Variants in TTC17 observed in about 807,000 individuals in gnomAD.
The protein encoded by TTC17 is tetratricopeptide repeat domain 17.
In TTC17, 58 loss-of-function variants were observed where a neutral mutation model predicts 143.8. That is an observed-to-expected ratio of 0.40 (90% CI 0.33 to 0.50). TTC17 has a LOEUF of 0.50. Among genes scored for constraint, TTC17 ranks in the 20% least tolerant of loss-of-function variants. The probability of loss-of-function intolerance (pLI) is 0.49; values close to 1 mark genes in which losing one functional copy is unlikely to be tolerated. For missense variants in TTC17, 1,273 were observed against 1,392.5 expected, an observed-to-expected ratio of 0.91 and a Z score of 1.37; for synonymous variants, 501 against 497.8, an observed-to-expected ratio of 1.01 and a Z score of -0.09.
At chr11:43,400,833 A>G (rs942255116) in intron 9 of TTC17, among the ~76,000 whole-genome samples, 5 of 152,188 alleles carry the variant, frequency 3.3e-5, no homozygotes, top group Non-Finnish European at 5.9e-5. Context: ...TTTGTTTCTA[A>G]TGACAAGGGA....
chr11:43,443,542 C>G lies in TTC17; in HGVS notation c.2469C>G (p.Cys823Trp). ...GPQDGVARSS[C>W]YGDCRSEDDE... ...AGGATGGAGTGGCCAGAAGCTCTTG[C>G]TATGGAGACTGCAGAAGTGAAGATG... is the stretch of plus-strand genomic sequence containing the variant. Residue 823 changes from cysteine (C) to tryptophan (W), a missense_variant, in exon 17 of 24, where the codon TGC becomes TGG. Cys to Trp is a radical substitution (Grantham distance 215). This residue lies in a region of TTC17 where 878 missense variants were observed against 899.8 expected (regional missense o/e 0.98). Transcript: ENST00000039989. 1 of 1,613,880 alleles carries G rather than the reference C, an allele frequency of 6.2e-7. No individual in the cohort carries two copies.
chr11:43,438,854 T>C (rs1590421500), intron 16 of TTC17, among the ~76,000 whole-genome samples: 1 of 152,230 alleles, frequency 6.6e-6, no homozygotes, highest in African/African-American at 2.4e-5. Flanking sequence ...GATATTCCAC[T>C]CCCTCTCAAT....
chr11:43,460,451 G>A (rs558940552), intron 21 of TTC17, among the ~76,000 whole-genome samples: 4 of 152,176 alleles, frequency 2.6e-5, no homozygotes, highest in East Asian at 1.9e-4. Context: ...TCCAGCCTCC[G>A]TTAGTAGTCT....
chr11:43,359,309 G>T lies in TTC17; in HGVS notation c.159+196G>T, dbSNP rs186616213. On this transcript the variant is annotated intron_variant, in intron 1 of 23. Transcript: ENST00000039989. ...GCTCCCCACTTGTCTCCTGGTCCTC[G>T]TTTGGCCCCCTAGAAGTTCTCACCC... 1,325 of 679,208 alleles carry T rather than the reference G, an allele frequency of 2.0e-3. 5 individuals are homozygous for T. The highest frequency in any genetic ancestry group is 2.7e-3 in the Non-Finnish European group (1,204 of 440,262). 42.1% of individuals were successfully genotyped at this position (679,208 alleles called of 1,614,324 possible). A position where few individuals can be genotyped will look rare whatever the true frequency, so the allele number is the denominator to read the frequency against.
intron 21 of TTC17, among the ~76,000 whole-genome samples, chr11:43,470,509 G>A (rs550185225): frequency 2.9e-4 from 44 of 152,258 alleles, no homozygotes; most frequent in Non-Finnish European, 5.4e-4. Flanking sequence ...TTTTCATCAG[G>A]TATTTGTAGT....
At position 43,375,770 on chromosome 11, in the gene TTC17, T is replaced by C. The variant is rs1856743293; in HGVS notation, c.160-3463T>C. On this transcript the variant is annotated intron_variant, in intron 1 of 23. Transcript: ENST00000039989. ...AAAGAATAATTAAAAAGTGATTGACTCAAACTTGTTTTTGTAGGACATCAA... is the reference window on the plus strand; with the variant it reads ...AAAGAATAATTAAAAAGTGATTGACCCAAACTTGTTTTTGTAGGACATCAA... Among the ~76,000 whole-genome samples the C allele has an allele frequency of 2.0e-5, 3 of 152,212 alleles. No individual in the cohort carries two copies. In the South Asian group the frequency reaches 6.2e-4, roughly 31 times the overall value.
intron 16 of TTC17, among the ~76,000 whole-genome samples, chr11:43,422,320 A>C (rs2134650302): frequency 6.6e-6 from 1 of 152,244 alleles, no homozygotes; most frequent in Non-Finnish European, 1.5e-5. Flanking sequence ...TGGACATGTT[A>C]AATTTGAGTT....
intron 21 of TTC17, chr11:43,466,396 T>TGC (rs1181387376): frequency 1.3e-5 from 2 of 156,826 alleles, no homozygotes; most frequent in Non-Finnish European, 2.8e-5. Flanking sequence ...TAGGCCATGG[T>TGC]CATCCCGACT....
At chr11:43,359,349 C>T in intron 1 of TTC17, 2 of 480,362 alleles carry the variant, frequency 4.2e-6, no homozygotes, top group Non-Finnish European at 7.0e-6. Context: ...ACCTCGCGGG[C>T]CGCGCGCCGC....
At chr11:43,396,414 G>A (rs1007226441) in intron 5 of TTC17, 1 of 194,202 alleles carries the variant, frequency 5.1e-6, no homozygotes, top group African/African-American at 2.3e-5. Flanking sequence ...AGCTCAACAA[G>A]TTGTGATCAG....
At chr11:43,469,095 T>C (rs1948039282) in intron 21 of TTC17, among the ~76,000 whole-genome samples, 1 of 152,160 alleles carries the variant, frequency 6.6e-6, no homozygotes, top group Non-Finnish European at 1.5e-5. Flanking sequence ...ACACAATATA[T>C]GTGTAGTAAT....
intron 20 of TTC17, 89 bp from the exon 21 acceptor site, chr11:43,451,093 G>A: frequency 1.6e-6 from 2 of 1,289,922 alleles, no homozygotes; most frequent in Non-Finnish European, 1.1e-6. Context: ...GTTTGCCTCT[G>A]TGGTACAGTG....
chr11:43,475,287 G>A (rs1948165139), intron 21 of TTC17, among the ~76,000 whole-genome samples: 1 of 152,098 alleles, frequency 6.6e-6, no homozygotes, highest in Admixed American at 6.6e-5. Context: ...AGGGTATCTG[G>A]TGGAAGAAAT....
At chr11:43,393,155 A>G (rs949553579) in intron 5 of TTC17, among the ~76,000 whole-genome samples, 13 of 152,188 alleles carry the variant, frequency 8.5e-5, no homozygotes, top group Admixed American at 3.9e-4. Flanking sequence ...CTACAACTCA[A>G]TACAATTCTG....
rs752312149 is a variant in TTC17 at position 43,407,231 on chromosome 11, T to C, written c.1839+16T>C. On this transcript the variant is annotated intron_variant, in intron 14 of 23. Transcript: ENST00000039989. ...TATTAATAAGGTGAGTCATTTACTT[T>C]AGACATCTAAAACTTAAATGCTTCT... The C allele has an allele frequency of 2.0e-5, 31 of 1,574,372 alleles. No homozygotes were observed. Among genetic ancestry groups the C allele is most frequent in the Middle Eastern group, 1.8e-4 (1 of 5,442 alleles).
chr11:43,420,591 A>T (rs1336674980), intron 16 of TTC17, among the ~76,000 whole-genome samples: 1 of 152,166 alleles, frequency 6.6e-6, no homozygotes, highest in African/African-American at 2.4e-5. Context: ...TTAGCTTAGT[A>T]GACAGTATTT....
Position 43,450,133 on chromosome 11 carries a change from G to T in TTC17, c.2838G>T (p.Glu946Asp). The change falls in exon 20 of 24, where the codon GAG becomes GAT. Residue 946 changes from glutamate to aspartate, a missense_variant. Around this residue, in one of 3 missense-constraint regions of TTC17, gnomAD observed 878 missense variants for 899.8 expected, o/e 0.98. Transcript: ENST00000039989. ...CCCCTATACAGCAGCCAGCAATGGAGCCTCTTTGCAATGGCAATCTCCCCA... is the reference window on the plus strand; with the variant it reads ...CCCCTATACAGCAGCCAGCAATGGATCCTCTTTGCAATGGCAATCTCCCCA... ...FATPIQQPAMEPLCNGNLPTS... is the reference protein window; with the variant it reads ...FATPIQQPAMDPLCNGNLPTS... 6.2e-7 allele frequency: 1 copy of T among 1,614,194 alleles called. No individual in the cohort carries two copies. Among genetic ancestry groups the T allele is most frequent in the Non-Finnish European group, 8.5e-7 (1 of 1,180,032 alleles).
Position 43,400,014 on chromosome 11 carries a change from T to C in TTC17, c.1185T>C (p.Ile395=), listed in dbSNP as rs765326755. The C allele has an allele frequency of 1.7e-5, 28 of 1,613,606 alleles. No individual in the cohort carries two copies. Among genetic ancestry groups the C allele is most frequent in the Non-Finnish European group, 2.3e-5 (27 of 1,179,866 alleles). The change falls in exon 9 of 24, where the codon ATT becomes ATC. Residue 395 remains isoleucine (I), a synonymous_variant. Transcript: ENST00000039989. ...IQEEQILRNI[I]HETQMAKEAQ... is the part of the protein sequence containing the mutation. ...AGGAGCAAATCTTAAGAAATATCAT[T>C]CATGAGACTCAGATGGCAAAAGAGG...
At chr11:43,391,009 A>G (rs149117204) in intron 3 of TTC17, among the ~76,000 whole-genome samples, 1 of 152,074 alleles carries the variant, frequency 6.6e-6, no homozygotes, top group African/African-American at 2.4e-5. Context: ...AAAATGTTTG[A>G]CTCTTCATGG....
Sources: allele counts gnomAD v4.1 joint callset (sites outside exome capture counted in the v4.1 genomes callset), GRCh38; gene constraint gnomAD v4.1.1; regional missense constraint gnomAD v4.1.1; transcripts MANE v1.5; gene names NCBI Gene and HGNC (gene_info 2026-07-23, HGNC 2026-07-21).